Variants in ABCC12 observed in about 807,000 individuals in gnomAD.
ABCC12 encodes ATP binding cassette subfamily C member 12, also known as ATP-binding cassette sub-family C member 12.
A neutral mutation model predicts 151.1 loss-of-function variants in ABCC12; 142 were observed. The observed-to-expected ratio is 0.94, with a 90% CI of 0.82 to 1.08. ABCC12 has a LOEUF of 1.08. Among genes scored for constraint, ABCC12 ranks in the 50% least tolerant of loss-of-function variants. The pLI is 0.00. For synonymous variants in ABCC12, 645 were observed against 646.4 expected, an observed-to-expected ratio of 1.00 and a Z score of 0.03; for missense variants, 1,638 against 1,691.1, an observed-to-expected ratio of 0.97 and a Z score of 0.55.
At position 48,091,160 on chromosome 16, in the gene ABCC12, G is replaced by A. The variant is rs907444750; in HGVS notation, c.3245C>T (p.Ala1082Val). ...VCVRTGTETQ[A>V]KFTSVELLRE... The stretch of plus-strand genomic sequence containing the variant: ...GAGCAGCTCCACGGAGGTGAATTTG[G>A]CTTGCGTCTCTGTTCCCGTTCGCAC... Residue 1082 changes from alanine to valine, a missense_variant, in exon 25 of 31, where the codon GCC (alanine) becomes GTC (valine). Ala to Val is a moderately conservative substitution (Grantham distance 64). Transcript: ENST00000311303. 1.9e-6 allele frequency: 3 copies of A among 1,614,056 alleles called. No individual in the cohort carries two copies. Among genetic ancestry groups the A allele is most frequent in the African/African-American group, 2.7e-5 (2 of 74,908 alleles).
intron 27 of ABCC12, 45 bp downstream of exon 27, chr16:48,087,881 T>C (rs769193427): frequency 5.0e-6 from 8 of 1,589,158 alleles, no homozygotes; most frequent in Middle Eastern, 1.7e-4. Flanking sequence ...TCAGTCTGAT[T>C]TCACTCTCCA....
intron 18 of ABCC12, among the ~76,000 whole-genome samples, chr16:48,110,563 TGGA>T (rs1157406180): frequency 1.3e-5 from 2 of 152,118 alleles, no homozygotes; most frequent in Non-Finnish European, 2.9e-5. Context: ...AGGGTGTCTA[TGGA>T]GGAGAAGAGG....
intron 2 of ABCC12, among the ~76,000 whole-genome samples, chr16:48,149,206 T>A (rs1596633583): frequency 3.1e-5 from 3 of 97,346 alleles, no homozygotes; most frequent in Admixed American, 1.2e-4. Context: ...AAGAAGTCAG[T>A]CAAGGAAATA....
rs1964322636 is a variant in ABCC12, at chr16:48,128,712, G to T, written c.1262C>A (p.Pro421Gln). 2.5e-6 allele frequency: 4 copies of T among 1,613,502 alleles called. No individual in the cohort carries two copies. The highest frequency in any genetic ancestry group is 3.4e-6 in the Non-Finnish European group (4 of 1,179,920). ...MKKILIDKSP[P>Q]SYITQPEDPD... ...GTCTTCTGGTTGGGTGATGTAAGATGGGGGGCTTTTATCTATGAGAATTTT... is the reference window on the plus strand; with the variant it reads ...GTCTTCTGGTTGGGTGATGTAAGATTGGGGGCTTTTATCTATGAGAATTTT... The change falls in exon 11 of 31, where the codon CCA becomes CAA. Residue 421 changes from proline (P) to glutamine (Q), a missense_variant. Pro to Gln is a moderately conservative substitution (Grantham distance 76, BLOSUM62 -1). Transcript: ENST00000311303.
chr16:48,144,561 C>A (rs559535714), intron 3 of ABCC12, among the ~76,000 whole-genome samples: 1 of 152,240 alleles, frequency 6.6e-6, no homozygotes, highest in South Asian at 2.1e-4. Flanking sequence ...ACCTCACATC[C>A]TCTGGGTGGA....
intron 23 of ABCC12, among the ~76,000 whole-genome samples, chr16:48,098,132 CACACACAG>C (rs1378112320): frequency 7.4e-4 from 109 of 148,178 alleles, no homozygotes; most frequent in Middle Eastern, 3.4e-3. Flanking sequence ...CACACACACA[CACACACAG>C]CATAGCCTTG....
intron 12 of ABCC12, among the ~76,000 whole-genome samples, chr16:48,122,250 C>T (rs1181795320): frequency 6.6e-6 from 1 of 152,258 alleles, no homozygotes; most frequent in Non-Finnish European, 1.5e-5. Context: ...AGGGCACCAC[C>T]TGCACGGCTG....
chr16:48,141,232 A>G lies in ABCC12; in HGVS notation c.397T>C (p.Cys133Arg). 6.2e-7 allele frequency: 1 copy of G among 1,614,158 alleles called. No homozygotes were observed. Among genetic ancestry groups the G allele is most frequent in the Non-Finnish European group, 8.5e-7 (1 of 1,180,014 alleles). The change falls in exon 5 of 31, where the codon TGC becomes CGC. Residue 133 changes from cysteine to arginine, a missense_variant. Coordinates refer to ENST00000311303, the MANE Select transcript of ABCC12 (RefSeq NM_001393797.1). Reference sequence around the variant, plus strand: ...GGCCCTATGGCTGCCATGATGATGCACAGGATGTTGGCCACGATGTCCATC... The same window carrying G: ...GGCCCTATGGCTGCCATGATGATGCGCAGGATGTTGGCCACGATGTCCATC... ...VLMDIVANIL[C>R]IIMAAIGPTV...
chr16:48,121,882 G>A, intron 12 of ABCC12, 42 bp from the exon 13 acceptor site: 3 of 1,611,220 alleles, frequency 1.9e-6, no homozygotes, highest in Middle Eastern at 1.7e-4. Flanking sequence ...GCCAAGCCTT[G>A]AGAACTTTTC....
Position 48,083,739 on chromosome 16 carries a change from TA to T in ABCC12, c.4055del (p.Leu1352TyrfsTer2), listed in dbSNP as rs1242395500. The stretch of plus-strand genomic sequence containing the variant: ...TCTACAATCTGACTTCTGCTGCTAG[TA>T]ACATCGCAAATGCAGAATCTGGCTT... ...AEKPDSAFAM[L>X]LAAEVRL On this transcript the variant is annotated frameshift_variant, in exon 31 of 31. Coordinates refer to ENST00000311303, the MANE Select transcript of ABCC12 (RefSeq NM_001393797.1). LOFTEE classifies it high-confidence loss of function. The T allele has an allele frequency of 1.2e-6, 2 of 1,614,204 alleles. No individual in the cohort carries two copies. Among genetic ancestry groups the T allele is most frequent in the East Asian group, 4.5e-5 (2 of 44,890 alleles).
chr16:48,139,451 A>G, intron 6 of ABCC12, 115 bp from the exon 7 acceptor site: 1 of 1,194,590 alleles, frequency 8.4e-7, no homozygotes, highest in Non-Finnish European at 1.2e-6. Context: ...AAACTTCTCT[A>G]AAGCAGGAAG....
intron 25 of ABCC12, among the ~76,000 whole-genome samples, chr16:48,089,104 T>C (rs1461174748): frequency 6.6e-6 from 1 of 152,100 alleles, no homozygotes; most frequent in Non-Finnish European, 1.5e-5. Flanking sequence ...TCCAGAGCCC[T>C]CCAGGTTGGG....
chr16:48,130,141 C>A (rs1322644170), intron 10 of ABCC12, among the ~76,000 whole-genome samples: 4 of 152,198 alleles, frequency 2.6e-5, no homozygotes, highest in Non-Finnish European at 5.9e-5. Flanking sequence ...TTCGTGTTGA[C>A]ACAAATGCCC....
intron 24 of ABCC12, 147 bp downstream of exon 24, chr16:48,096,598 AC>A (rs1567445336): frequency 1.2e-6 from 1 of 838,158 alleles, no homozygotes; most frequent in African/African-American, 1.7e-5. Context: ...CAACCATCCT[AC>A]TTTTTAATGA....
intron 24 of ABCC12, among the ~76,000 whole-genome samples, chr16:48,092,065 CCA>C (rs1488052612): frequency 6.6e-6 from 1 of 152,178 alleles, no homozygotes; most frequent in Non-Finnish European, 1.5e-5. Flanking sequence ...TGGCCAGCAG[CCA>C]CAGAAGCTGG....
intron 13 of ABCC12, among the ~76,000 whole-genome samples, chr16:48,118,934 G>T (rs1597314717): frequency 6.6e-6 from 1 of 152,216 alleles, no homozygotes; most frequent in Non-Finnish European, 1.5e-5. Flanking sequence ...AAAAACATGT[G>T]AAGCCATTAG....
At chr16:48,150,121 C>T (rs1404798181) in intron 2 of ABCC12, among the ~76,000 whole-genome samples, 1 of 152,180 alleles carries the variant, frequency 6.6e-6, no homozygotes, top group East Asian at 1.9e-4. Flanking sequence ...TTCAAGCAGT[C>T]AGATACAGAG....
chr16:48,137,867 T>C (rs1964665101), intron 8 of ABCC12, among the ~76,000 whole-genome samples: 1 of 152,234 alleles, frequency 6.6e-6, no homozygotes, highest in Admixed American at 6.5e-5. Context: ...TAACCCTGGA[T>C]GTGTGAGTGT....
intron 12 of ABCC12, 41 bp downstream of exon 12, chr16:48,124,172 T>C (rs759156849): frequency 3.1e-6 from 5 of 1,596,596 alleles, no homozygotes; most frequent in South Asian, 1.1e-5. Context: ...TTCATTGTCA[T>C]GTTAATGTTC....
Sources: gnomAD v4.1 joint callset for allele counts (sites outside exome capture counted in the v4.1 genomes callset) on GRCh38, gnomAD v4.1.1 for gene constraint, MANE v1.5 for transcripts, NCBI Gene and HGNC (gene_info 2026-07-23, HGNC 2026-07-21) for gene names.